The following TANC2 variants were observed in gnomAD, a reference collection of about 807,000 sequenced individuals.
TANC2 encodes protein TANC2.
Under a neutral mutation model 210.5 loss-of-function variants are expected in TANC2, and 26 were observed. That is an observed-to-expected ratio of 0.12 (90% CI 0.09 to 0.17). The LOEUF (loss-of-function observed/expected upper bound fraction) is 0.17, where lower values mean the gene tolerates loss of function less well. Among genes scored for constraint, TANC2 ranks in the 10% least tolerant of loss-of-function variants. The pLI is 1.00. For synonymous variants in TANC2, 931 were observed against 967.1 expected (o/e 0.96, Z 0.69); for missense variants, 2,129 against 2,608.9 (o/e 0.82, Z 4.01).
intron 14 of TANC2, among the ~76,000 whole-genome samples, chr17:63,360,771 C>G (rs924061434): frequency 6.6e-6 from 1 of 152,132 alleles, no homozygotes; most frequent in Admixed American, 6.5e-5. Context: ...CATGCCCCCC[C>G]TTTCCACCAA....
At chr17:63,051,435 A>G (rs1598317770) in intron 2 of TANC2, among the ~76,000 whole-genome samples, 2 of 152,334 alleles carry the variant, frequency 1.3e-5, no homozygotes, top group South Asian at 4.1e-4. Context: ...TTAGAGTCTT[A>G]GGAAAATGAT....
chr17:63,374,032 G>GTTTTT lies in TANC2; in HGVS notation c.2583-5668_2583-5664dup, dbSNP rs35801082. 1.7e-3 allele frequency among the ~76,000 whole-genome samples: 159 copies of GTTTTT among 93,526 alleles called. 7 individuals carry two copies. The highest frequency in any genetic ancestry group is 5.6e-3 in the African/African-American group (121 of 21,488). 61.4% of individuals were successfully genotyped at this position (93,526 alleles called of 152,430 possible). ...TATTTTGATTTTTCAGTTGTTGTTGGTTTTTTTTTTTTTTTTTTTTTTGAG... is the reference window on the plus strand; with the variant it reads ...TATTTTGATTTTTCAGTTGTTGTTGGTTTTTTTTTTTTTTTTTTTTTTTTTTTGAG... On this transcript the variant is annotated intron_variant, in intron 14 of 27. Coordinates refer to ENST00000689528, the Ensembl canonical transcript of TANC2.
chr17:63,127,738 T>C (rs1477569997), intron 4 of TANC2, among the ~76,000 whole-genome samples: 2 of 152,238 alleles, frequency 1.3e-5, no homozygotes, highest in Admixed American at 6.5e-5. Context: ...TGGTGGCATA[T>C]GAAAATGTTG....
At chr17:63,358,372 A>AGT (rs1377701936) in intron 14 of TANC2, among the ~76,000 whole-genome samples, 17 of 114,996 alleles carry the variant, frequency 1.5e-4, no homozygotes, top group African/African-American at 6.3e-4. Flanking sequence ...AGAGAGAGAG[A>AGT]GAGAGTATGT....
chr17:63,187,159 G>A (rs183511251), intron 5 of TANC2, among the ~76,000 whole-genome samples: 23 of 152,302 alleles, frequency 1.5e-4, no homozygotes, highest in Admixed American at 1.0e-3. Context: ...GGGAGCTGGG[G>A]ACTGATGCCT....
intron 11 of TANC2, among the ~76,000 whole-genome samples, chr17:63,321,812 G>A (rs1259461049): frequency 6.6e-6 from 1 of 152,064 alleles, no homozygotes; most frequent in Non-Finnish European, 1.5e-5. Flanking sequence ...CTTTCCTGTG[G>A]GTGTTGGGGA....
At chr17:63,389,342 T>C (rs750442027) in exon 17 of TANC2, 2 of 1,613,078 alleles carry the variant, frequency 1.2e-6, no homozygotes, top group South Asian at 2.2e-5. Flanking sequence ...GGTGCCAATA[T>C]TAATTACCGG....
intron 3 of TANC2, chr17:63,089,026 C>G (rs563498699): frequency 6.6e-6 from 1 of 152,160 alleles, no homozygotes; most frequent in African/African-American, 2.4e-5. Flanking sequence ...CTCACTGATG[C>G]AGACATACTA....
At chr17:63,118,161 T>G (rs1169924128) in intron 4 of TANC2, among the ~76,000 whole-genome samples, 3 of 152,158 alleles carry the variant, frequency 2.0e-5, no homozygotes, top group African/African-American at 7.2e-5. Flanking sequence ...AATATGGAAA[T>G]CTAGAATTTT....
chr17:63,219,300 A>T (rs1328321941), intron 7 of TANC2, among the ~76,000 whole-genome samples: 1 of 152,224 alleles, frequency 6.6e-6, no homozygotes, highest in Non-Finnish European at 1.5e-5. Flanking sequence ...CACATTTTAA[A>T]TTATTATATA....
intron 3 of TANC2, among the ~76,000 whole-genome samples, chr17:63,095,772 C>T (rs1054972064): frequency 2.0e-5 from 3 of 152,150 alleles, no homozygotes; most frequent in African/African-American, 7.2e-5. Flanking sequence ...ATCAAATTCT[C>T]TGCTCACCAG....
At chr17:63,265,386 C>T (rs1458278478) in intron 8 of TANC2, among the ~76,000 whole-genome samples, 1 of 152,186 alleles carries the variant, frequency 6.6e-6, no homozygotes, top group African/African-American at 2.4e-5. Context: ...AATCAACTGA[C>T]TTGTCTCCCT....
At chr17:63,342,114 G>GC (rs1370793028) in intron 12 of TANC2, among the ~76,000 whole-genome samples, 2 of 151,844 alleles carry the variant, frequency 1.3e-5, no homozygotes, top group Non-Finnish European at 1.5e-5. Context: ...TGATCTACCT[G>GC]CCCCCCTCCA....
At chr17:63,137,635 T>G (rs1567754880) in intron 4 of TANC2, among the ~76,000 whole-genome samples, 1 of 152,214 alleles carries the variant, frequency 6.6e-6, no homozygotes, top group Non-Finnish European at 1.5e-5. Flanking sequence ...TAAGACTCAC[T>G]TTGTATAGTA....
chr17:63,028,380 A>G (rs1389321034), intron 2 of TANC2, among the ~76,000 whole-genome samples: 1 of 152,170 alleles, frequency 6.6e-6, no homozygotes, highest in African/African-American at 2.4e-5. Flanking sequence ...AAAAGCATAC[A>G]GATTTTTACA....
At chr17:63,163,004 G>A (rs755538024) in intron 5 of TANC2, among the ~76,000 whole-genome samples, 4 of 151,866 alleles carry the variant, frequency 2.6e-5, no homozygotes, top group Admixed American at 6.6e-5. Flanking sequence ...AACCAGGGTT[G>A]GGGTTTGGCC....
At chr17:63,228,706 T>C (rs1005797309) in intron 7 of TANC2, among the ~76,000 whole-genome samples, 1 of 152,014 alleles carries the variant, frequency 6.6e-6, no homozygotes, top group African/African-American at 2.4e-5. Context: ...TGAATGGGAG[T>C]TTATTCATGA....
Position 63,097,710 on chromosome 17 carries a change from A to G in TANC2, c.140-1465A>G, listed in dbSNP as rs1340532233. Among the ~76,000 whole-genome samples the G allele has an allele frequency of 3.3e-5, 5 of 152,208 alleles. No homozygotes were observed. The East Asian group carries it at 9.6e-4, about 29-fold the overall frequency. On this transcript the variant is annotated intron_variant, in intron 3 of 27. Coordinates refer to ENST00000689528, the Ensembl canonical transcript of TANC2. ...CTAGATGTTAGACTCTATCAGATAC[A>G]TGATTTGGAAATATTTTCTCCCATT...
chr17:63,013,021 TG>T (rs1233491556), intron 2 of TANC2, among the ~76,000 whole-genome samples: 15 of 152,158 alleles, frequency 9.9e-5, no homozygotes, highest in African/African-American at 3.4e-4. Flanking sequence ...TTTGTTTATC[TG>T]AAAATGTCTT....
Sources: allele counts gnomAD v4.1 joint callset (sites outside exome capture counted in the v4.1 genomes callset), GRCh38; gene constraint gnomAD v4.1.1; transcripts MANE v1.5; gene names NCBI Gene and HGNC (gene_info 2026-07-23, HGNC 2026-07-21).